MTF2: variants seen among roughly 807,000 people sequenced by gnomAD.
The protein encoded by MTF2 is metal response element binding transcription factor 2, also known as metal-response element-binding transcription factor 2.
A neutral mutation model predicts 79.5 loss-of-function variants in MTF2; 11 were observed. That is an observed-to-expected ratio of 0.14 (90% CI 0.09 to 0.23). MTF2 has a LOEUF of 0.23. Ranked by LOEUF, MTF2 falls within the 10% of genes least tolerant of loss-of-function variation. The pLI is 1.00. For missense variants in MTF2, 486 were observed against 711.2 expected (o/e 0.68, Z 3.60); for synonymous variants, 208 against 232.8 (o/e 0.89, Z 0.97).
chr1:93,081,122 ACTAT>A (rs1654588684), intron 1 of MTF2: 1 of 152,230 alleles, frequency 6.6e-6, no homozygotes, highest in South Asian at 2.1e-4. Flanking sequence ...GAAATGTGTA[ACTAT>A]CAGGATGAAA....
rs141909054 is a variant in MTF2, at chr1:93,134,177, G to C, written c.1406G>C (p.Ser469Thr). 5.6e-6 allele frequency: 9 copies of C among 1,605,320 alleles called. No homozygotes were observed. Among genetic ancestry groups the C allele is most frequent in the Middle Eastern group, 1.7e-4 (1 of 6,054 alleles). Residue 469 changes from serine (S) to threonine (T), a missense_variant, in exon 14 of 15, where the codon AGC (serine) becomes ACC (threonine). This residue lies in a region of MTF2 where 209 missense variants were observed against 206.5 expected (regional missense o/e 1.01). Coordinates refer to ENST00000370298, the MANE Select transcript of MTF2 (RefSeq NM_007358.4). ...ASSAKETTSS[S>T]ISRHYGLSDS... ...AGTGCAAAAGAAACTACCTCGTCTA[G>C]CATTTCCAGGCATTATGGGTAGATA... is the stretch of plus-strand genomic sequence containing the variant.
chr1:93,126,107 G>C (rs1656683833), intron 9 of MTF2, among the ~76,000 whole-genome samples: 1 of 151,420 alleles, frequency 6.6e-6, no homozygotes, highest in African/African-American at 2.4e-5. Flanking sequence ...AATTACAGTA[G>C]GAGTTGGTGG....
chr1:93,082,155 C>T (rs1004349767), intron 1 of MTF2, among the ~76,000 whole-genome samples: 5 of 151,838 alleles, frequency 3.3e-5, no homozygotes, highest in South Asian at 2.1e-4. Context: ...ATATTAGGAA[C>T]GTTTTGTTGT....
intron 1 of MTF2, among the ~76,000 whole-genome samples, chr1:93,090,404 G>T (rs554188175): frequency 6.6e-6 from 1 of 151,788 alleles, no homozygotes; most frequent in Non-Finnish European, 1.5e-5. Context: ...GAGCCACTGC[G>T]CCTGGCCAAT....
rs553430592 is a variant in MTF2, at chr1:93,137,306, G to T, written c.*279G>T. On this transcript the variant is annotated 3_prime_UTR_variant, in exon 15 of 15. Transcript: ENST00000370298. ...GATATTAAAAATGATTGAAACCCATGCATGGTGTTAGACAATTTTTCTAAT... is the reference window on the plus strand; with the variant it reads ...GATATTAAAAATGATTGAAACCCATTCATGGTGTTAGACAATTTTTCTAAT... The T allele has an allele frequency of 1.2e-5, 3 of 260,582 alleles. No homozygotes were observed. Among genetic ancestry groups the T allele is most frequent in the African/African-American group, 6.6e-5 (3 of 45,364 alleles). 16.1% of individuals were successfully genotyped at this position (260,582 alleles called of 1,614,324 possible).
chr1:93,111,389 A>G (rs1318455338), intron 3 of MTF2, among the ~76,000 whole-genome samples: 2 of 152,210 alleles, frequency 1.3e-5, no homozygotes, highest in South Asian at 4.1e-4. Context: ...ATTCTCATAG[A>G]AAAGAGATAA....
chr1:93,101,366 CTTTTTTTTTTTTTTTT>C (rs71586777), intron 1 of MTF2, among the ~76,000 whole-genome samples: 7 of 108,618 alleles, frequency 6.4e-5, no homozygotes, highest in Admixed American at 9.8e-5. Flanking sequence ...CTATCTTAAC[CTTTTTTTTTTTTTTTT>C]TTTTTTTTTT....
chr1:93,119,313 C>CTTTTTTTTTTTTTTTTTTTTTTTTTTTTT lies in MTF2; in HGVS notation c.729-6_729-5insTTTTTTTTTTTTTTTTTTTTTTTTTTTTT, dbSNP rs74464389. On this transcript the variant is annotated intron_variant, in intron 7 of 14. Coordinates refer to ENST00000370298, the MANE Select transcript of MTF2 (RefSeq NM_007358.4). ...CTGATGACTCAGTATAAAACTTTTTCTTTTTTTTTTTTTTCTTAGATTTTA... is the reference window on the plus strand; with the variant it reads ...CTGATGACTCAGTATAAAACTTTTTCTTTTTTTTTTTTTTTTTTTTTTTTTTTTTTTTTTTTTTTTTTTCTTAGATTTTA... 1 of 1,066,836 alleles carries CTTTTTTTTTTTTTTTTTTTTTTTTTTTTT rather than the reference C, an allele frequency of 9.4e-7. No homozygotes were observed. The highest frequency in any genetic ancestry group is 1.7e-5 in the African/African-American group (1 of 58,726). The allele number at this position is 1,066,836 out of a possible 1,614,324, so 66.1% of individuals were successfully genotyped here. A position where few individuals can be genotyped will look rare whatever the true frequency, so the allele number is the denominator to read the frequency against.
intron 9 of MTF2, among the ~76,000 whole-genome samples, chr1:93,123,392 T>C (rs1330457721): frequency 2.6e-5 from 4 of 151,758 alleles, no homozygotes; most frequent in Non-Finnish European, 5.9e-5. Context: ...ATACGTAATA[T>C]AGACTAAAGC....
At chr1:93,114,430 T>C (rs931894023) in intron 3 of MTF2, among the ~76,000 whole-genome samples, 1 of 152,168 alleles carries the variant, frequency 6.6e-6, no homozygotes, top group African/African-American at 2.4e-5. Context: ...AAATGAGTAA[T>C]AAGGGAAGAT....
intron 9 of MTF2, among the ~76,000 whole-genome samples, chr1:93,122,556 C>T (rs956438684): frequency 3.3e-5 from 5 of 152,044 alleles, no homozygotes; most frequent in African/African-American, 1.2e-4. Context: ...AAAAAATTTG[C>T]TTCAGTAATA....
intron 1 of MTF2, among the ~76,000 whole-genome samples, chr1:93,085,233 T>A (rs1274258947): frequency 6.6e-6 from 1 of 151,550 alleles, no homozygotes; most frequent in Admixed American, 6.6e-5. Flanking sequence ...TGGAGTGCAG[T>A]GGCACCATCT....
chr1:93,135,640 C>A (rs1266937884), intron 14 of MTF2, among the ~76,000 whole-genome samples: 1 of 152,104 alleles, frequency 6.6e-6, no homozygotes, highest in African/African-American at 2.4e-5. Flanking sequence ...TGAGATGAGA[C>A]CCCATCCCTA....
In MTF2 at chr1:93,129,430, A is replaced by G; in HGVS notation, c.1142A>G (p.Lys381Arg). The G allele has an allele frequency of 2.0e-6, 3 of 1,527,820 alleles. No homozygotes were observed. The highest frequency in any genetic ancestry group is 2.7e-6 in the Non-Finnish European group (3 of 1,128,866). 94.6% of individuals were successfully genotyped at this position (1,527,820 alleles called of 1,614,324 possible). A position where few individuals can be genotyped will look rare whatever the true frequency, so the allele number is the denominator to read the frequency against. The change falls in exon 11 of 15, where the codon AAA (lysine) becomes AGA (arginine). Residue 381 changes from lysine (K) to arginine (R), a missense_variant. Lys to Arg is a conservative substitution (Grantham distance 26). Coordinates refer to ENST00000370298, the MANE Select transcript of MTF2 (RefSeq NM_007358.4). Reference protein sequence around the residue: ...EFKIKGRKASKPISDSREVSN... With the variant: ...EFKIKGRKASRPISDSREVSN... ...AAAATTAAAGGCAGAAAGGCATCCA[A>G]ACCTATATCTGATTCAAGGTAAAAG...
intron 9 of MTF2, chr1:93,121,677 C>T: frequency 3.1e-6 from 3 of 960,386 alleles, no homozygotes; most frequent in Non-Finnish European, 3.7e-6. Context: ...TTGAATTCAT[C>T]ATTTGAGTTT....
intron 9 of MTF2, among the ~76,000 whole-genome samples, chr1:93,126,466 A>G (rs1418616653): frequency 9.0e-6 from 1 of 111,174 alleles, no homozygotes; most frequent in Non-Finnish European, 1.9e-5. Flanking sequence ...GTCAACTGTG[A>G]TATTTTGGAA....
chr1:93,129,798 A>G (rs980903771), intron 11 of MTF2, among the ~76,000 whole-genome samples: 1 of 152,104 alleles, frequency 6.6e-6, no homozygotes, highest in Non-Finnish European at 1.5e-5. Context: ...CTAAGTTTTC[A>G]AGTGCCTTAT....
intron 1 of MTF2, among the ~76,000 whole-genome samples, chr1:93,085,724 A>G (rs867380728): frequency 1.3e-5 from 2 of 151,932 alleles, no homozygotes; most frequent in Non-Finnish European, 2.9e-5. Context: ...CTGGCCTCAA[A>G]CAATCCTCCT....
At chr1:93,116,209 C>G (rs547126927) in intron 6 of MTF2, among the ~76,000 whole-genome samples, 28 of 150,616 alleles carry the variant, frequency 1.9e-4, no homozygotes, top group Non-Finnish European at 3.8e-4. Flanking sequence ...AGACACGTGC[C>G]ACTACACCTG....
Sources: gnomAD v4.1 joint callset for allele counts (sites outside exome capture counted in the v4.1 genomes callset) on GRCh38, gnomAD v4.1.1 for gene constraint, gnomAD v4.1.1 regional missense constraint, MANE v1.5 for transcripts, NCBI Gene and HGNC (gene_info 2026-07-23, HGNC 2026-07-21) for gene names.